The following VSX2 variants were observed in gnomAD, a reference collection of about 807,000 sequenced individuals.
VSX2 encodes the protein ceh-10 homeo domain containing homolog.
VSX2 carries 28 observed loss-of-function variants against 32.1 expected under a neutral mutation model. That is an observed-to-expected ratio of 0.87 (90% CI 0.65 to 1.20). The LOEUF (loss-of-function observed/expected upper bound fraction) is 1.20. Ranked by LOEUF, VSX2 falls within the 50% of genes most tolerant of loss-of-function variation. The probability of loss-of-function intolerance (pLI) is 0.00; values close to 1 mark genes in which losing one functional copy is unlikely to be tolerated. For synonymous variants in VSX2, 243 were observed against 214.1 expected, an observed-to-expected ratio of 1.14 and a Z score of -1.18; for missense variants, 506 against 488.7, an observed-to-expected ratio of 1.04 and a Z score of -0.33.
In VSX2 at chr14:74,260,876, CGGCGGAGA is replaced by C; in HGVS notation, c.1047_1054del (p.Glu350GlnfsTer36). 6.4e-7 allele frequency: 1 copy of C among 1,566,816 alleles called. No individual in the cohort carries two copies. Among genetic ancestry groups the C allele is most frequent in the South Asian group, 1.2e-5 (1 of 85,010 alleles). On this transcript the variant is annotated frameshift_variant, in exon 5 of 5. Coordinates refer to ENST00000261980, the MANE Select transcript of VSX2 (RefSeq NM_182894.3). LOFTEE classifies it high-confidence loss of function. ...GAGGAGGCCATGGATGAAGACAGGC[CGGCGGAGA>C]GGCTCAGTCCACCGCAGCTGGAGGA...
intron 3 of VSX2, among the ~76,000 whole-genome samples, chr14:74,248,054 G>C (rs565083653): frequency 1.3e-5 from 2 of 151,982 alleles, no homozygotes; most frequent in Non-Finnish European, 2.9e-5. Flanking sequence ...GGCCAGAGTT[G>C]AGTCTCTTTA....
chr14:74,247,286 C>T (rs2079198797), intron 3 of VSX2, among the ~76,000 whole-genome samples: 1 of 152,114 alleles, frequency 6.6e-6, no homozygotes, highest in South Asian at 2.1e-4. Context: ...CCTGAGTTCA[C>T]GATGTACACA....
intron 3 of VSX2, 131 bp from the exon 4 acceptor site, chr14:74,259,471 A>G: frequency 2.1e-6 from 2 of 958,240 alleles, no homozygotes; most frequent in Non-Finnish European, 3.2e-6. Context: ...CACAGAGGGC[A>G]CCATGGAGTA....
Position 74,261,329 on chromosome 14 carries a change from T to A in VSX2, c.*410T>A. ...TGCTGCAAATGCATTGTGAATTGCC[T>A]GCCATGGCTGTGACACAGACGGAGG... On this transcript the variant is annotated 3_prime_UTR_variant, in exon 5 of 5. Coordinates refer to ENST00000261980, the MANE Select transcript of VSX2 (RefSeq NM_182894.3). 1 of 192,848 alleles carries A rather than the reference T, an allele frequency of 5.2e-6. No homozygotes were observed. The allele number at this position is 192,848 out of a possible 1,614,324, so 11.9% of individuals were successfully genotyped here. A position where few individuals can be genotyped will look rare whatever the true frequency, so the allele number is the denominator to read the frequency against.
intron 2 of VSX2, 32 bp from the exon 3 acceptor site, chr14:74,245,133 G>C (rs747842829): frequency 2.1e-5 from 34 of 1,612,678 alleles, no homozygotes; most frequent in Non-Finnish European, 2.5e-5. Context: ...TTAGTTTCTG[G>C]GGTCCTGAGT....
At position 74,257,921 on chromosome 14, in the gene VSX2, AT is replaced by A. The variant is rs911111587; in HGVS notation, c.580-1672del. Among the ~76,000 whole-genome samples, 5 of 151,614 alleles carry A rather than the reference AT, an allele frequency of 3.3e-5. No individual in the cohort carries two copies. The South Asian group carries it at 6.3e-4, about 19-fold the overall frequency. On this transcript the variant is annotated intron_variant, in intron 3 of 4. Coordinates refer to ENST00000261980, the MANE Select transcript of VSX2 (RefSeq NM_182894.3). ...TCACGCCAGCGCCAGACGGCAAGCAATTTTTTTTTAATGTGCTAACGACCTA... is the reference window on the plus strand; with the variant it reads ...TCACGCCAGCGCCAGACGGCAAGCAATTTTTTTTAATGTGCTAACGACCTA...
chr14:74,246,239 G>T (rs1449538285), intron 3 of VSX2, among the ~76,000 whole-genome samples: 1 of 152,232 alleles, frequency 6.6e-6, no homozygotes, highest in Non-Finnish European at 1.5e-5. Context: ...TGGGGTGTGT[G>T]GGCCAGGGGC....
chr14:74,254,135 C>T (rs545797447), intron 3 of VSX2, among the ~76,000 whole-genome samples: 10 of 148,854 alleles, frequency 6.7e-5, no homozygotes, highest in Admixed American at 2.7e-4. Context: ...AGAGGCCAGG[C>T]GTGGGGGCTC....
At chr14:74,245,374 G>A (rs187958687) in intron 3 of VSX2, 86 bp downstream of exon 3, 54 of 1,565,526 alleles carry the variant, frequency 3.4e-5, no homozygotes, top group East Asian at 2.3e-4. Context: ...CCATGACCCC[G>A]CCTCCCAGCC....
At chr14:74,250,103 G>T (rs2079219232) in intron 3 of VSX2, among the ~76,000 whole-genome samples, 1 of 152,122 alleles carries the variant, frequency 6.6e-6, no homozygotes, top group African/African-American at 2.4e-5. Flanking sequence ...TAACAGGTGT[G>T]GTGACACATG....
In VSX2 at chr14:74,241,239, C is replaced by T; in HGVS notation, c.428C>T (p.Thr143Ile). 3 of 1,613,392 alleles carry T rather than the reference C, an allele frequency of 1.9e-6. No homozygotes were observed. Among genetic ancestry groups the T allele is most frequent in the Admixed American group, 3.3e-5 (2 of 60,030 alleles). The change falls in exon 2 of 5, where the codon ACC becomes ATC. Residue 143 changes from threonine (T) to isoleucine (I), a missense_variant. By Grantham distance (89) the Thr-to-Ile change is moderately conservative. Transcript: ENST00000261980. ...ATGTCCAAATCTGCTTTAAACCAGA[C>T]CAAGAAACGGAAGAAGCGGCGACAC... ...RKMSKSALNQ[T>I]KKRKKRRHRT...
chr14:74,246,876 T>C (rs2079195341), intron 3 of VSX2, among the ~76,000 whole-genome samples: 1 of 152,040 alleles, frequency 6.6e-6, no homozygotes, highest in Non-Finnish European at 1.5e-5. Flanking sequence ...GCTCAGGATT[T>C]GGGGGCAGGC....
At chr14:74,242,328 G>A (rs1174185808) in intron 2 of VSX2, among the ~76,000 whole-genome samples, 1 of 152,022 alleles carries the variant, frequency 6.6e-6, no homozygotes, top group African/African-American at 2.4e-5. Flanking sequence ...CCGCCACATC[G>A]TTTTCTCCCA....
Position 74,260,814 on chromosome 14 carries a change from G to A in VSX2, c.981G>A (p.Pro327=), listed in dbSNP as rs752779553. ...AAGTGCTGGGGACTGTGTCTGGGCC[G>A]GACAGCCTGGCCCGGAGTACCGAGA... is the stretch of plus-strand genomic sequence containing the variant. ...STKVLGTVSG[P]DSLARSTEKP... is the part of the protein sequence containing the mutation. The change falls in exon 5 of 5, where the codon CCG becomes CCA. Residue 327 remains proline, a synonymous_variant. Coordinates refer to ENST00000261980, the MANE Select transcript of VSX2 (RefSeq NM_182894.3). The A allele has an allele frequency of 2.1e-5, 33 of 1,568,854 alleles. No homozygotes were observed. The highest frequency in any genetic ancestry group is 4.7e-5 in the East Asian group (2 of 42,348).
At position 74,260,612 on chromosome 14, in the gene VSX2, T is replaced by C; in HGVS notation, c.779T>C (p.Leu260Pro). The C allele has an allele frequency of 1.9e-6, 3 of 1,604,346 alleles. No homozygotes were observed. Among genetic ancestry groups the C allele is most frequent in the Non-Finnish European group, 2.6e-6 (3 of 1,176,088 alleles). Residue 260 changes from leucine to proline, a missense_variant, in exon 5 of 5, where the codon CTG becomes CCG. By Grantham distance (98) the Leu-to-Pro change is moderately conservative. Coordinates refer to ENST00000261980, the MANE Select transcript of VSX2 (RefSeq NM_182894.3). ...TTTCTAGGGATGCACAAAAAGTCGC[T>C]GGAGGCAGCAGCCGAGTCGGGGAGG... ...PWLLGMHKKS[L>P]EAAAESGRKP... is the part of the protein sequence containing the mutation.
Position 74,245,273 on chromosome 14 carries a change from G to T in VSX2, c.564G>T (p.Pro188=), listed in dbSNP as rs201354547. 1.2e-6 allele frequency: 2 copies of T among 1,613,448 alleles called. No individual in the cohort carries two copies. Among genetic ancestry groups the T allele is most frequent in the Admixed American group, 1.7e-5 (1 of 59,960 alleles). The change falls in exon 3 of 5, where the codon CCG becomes CCT. Residue 188 remains proline (P), a synonymous_variant. Coordinates refer to ENST00000261980, the MANE Select transcript of VSX2 (RefSeq NM_182894.3). ...REMLAMKTEL[P]EDRIQVWFQN... ...TGCTGGCCATGAAAACGGAGCTGCC[G>T]GAAGACAGGATACAGGTAACAGCCC... is the stretch of plus-strand genomic sequence containing the variant.
At chr14:74,243,867 G>A (rs1007510111) in intron 2 of VSX2, among the ~76,000 whole-genome samples, 35 of 152,106 alleles carry the variant, frequency 2.3e-4, no homozygotes, top group African/African-American at 8.0e-4. Context: ...TGTGTTAGAC[G>A]AGGGTGAGGG....
At chr14:74,252,096 T>G (rs4903214) in intron 3 of VSX2, among the ~76,000 whole-genome samples, 122,747 of 152,304 alleles carry the variant, frequency 0.81, 49,935 homozygotes, top group Admixed American at 0.88. Context: ...TGGGCATGTT[T>G]TCTGGTGGCG....
intron 3 of VSX2, among the ~76,000 whole-genome samples, chr14:74,253,842 A>G (rs2079244638): frequency 6.6e-6 from 1 of 152,162 alleles, no homozygotes; most frequent in South Asian, 2.1e-4. Flanking sequence ...AGGCAGGAGA[A>G]TCGCTCGAAT....
Sources: allele counts gnomAD v4.1 joint callset (sites outside exome capture counted in the v4.1 genomes callset), GRCh38; gene constraint gnomAD v4.1.1; transcripts MANE v1.5; gene names NCBI Gene and HGNC (gene_info 2026-07-23, HGNC 2026-07-21).